The following GK variants were observed in gnomAD, a reference collection of about 807,000 sequenced individuals.
GK encodes ATP:glycerol 3-phosphotransferase.
Under a neutral mutation model 56.4 loss-of-function variants are expected in GK, and 9 were observed. That is an observed-to-expected ratio of 0.16 (90% CI 0.10 to 0.28). The LOEUF (loss-of-function observed/expected upper bound fraction) is 0.28, where lower values mean the gene tolerates loss of function less well. Among genes scored for constraint, GK ranks in the 10% least tolerant of loss-of-function variants. The probability of loss-of-function intolerance (pLI) is 1.00; values close to 1 mark genes in which losing one functional copy is unlikely to be tolerated. For missense variants in GK, 161 were observed against 431.4 expected (o/e 0.37, Z 5.55); for synonymous variants, 104 against 144.1 (o/e 0.72, Z 1.99).
intron 3 of GK, among the ~76,000 whole-genome samples, chrX:30,668,842 G>A (rs1383683372): frequency 2.7e-5 from 3 of 111,367 alleles, no homozygotes; most frequent in Admixed American, 1.9e-4. Flanking sequence ...AGACTAGTGC[G>A]GAGGCTGCTA....
At position 30,678,841 on chromosome X, in the gene GK, C is replaced by T. The variant is rs182248174; in HGVS notation, c.337+1389C>T. On this transcript the variant is annotated intron_variant, in intron 4 of 20. Transcript: ENST00000427190. ...AGATGGGATCACAGGCGCCCACCAC[C>T]ATGCCCAGCTATTTTTTTTTTTTTT... Among the ~76,000 whole-genome samples the T allele has an allele frequency of 9.9e-5, 10 of 101,411 alleles. No homozygotes were observed. The East Asian group carries it at 2.7e-3, about 28-fold the overall frequency. The allele number at this position is 101,411 out of a possible 115,157, so 88.1% of individuals were successfully genotyped here. A position where few individuals can be genotyped will look rare whatever the true frequency, so the allele number is the denominator to read the frequency against.
At chrX:30,654,514 G>A (rs1015255259) in intron 1 of GK, among the ~76,000 whole-genome samples, 1 of 111,421 alleles carries the variant, frequency 9.0e-6, no homozygotes, top group African/African-American at 3.3e-5. Context: ...AGGCTGAGGC[G>A]GGTGGATTAC....
At chrX:30,687,956 C>T (rs973168447) in intron 4 of GK, among the ~76,000 whole-genome samples, 3 of 112,032 alleles carry the variant, frequency 2.7e-5, no homozygotes, top group Non-Finnish European at 5.6e-5. Flanking sequence ...ATTCTAACTG[C>T]CTTAATGTCT....
At chrX:30,656,306 C>T (rs971740809) in intron 1 of GK, among the ~76,000 whole-genome samples, 95 of 112,319 alleles carry the variant, frequency 8.5e-4, no homozygotes, top group African/African-American at 3.1e-3. Flanking sequence ...TGGATAAGAA[C>T]TGTCATAAGG....
At chrX:30,699,154 A>C (rs1289485903) in intron 9 of GK, among the ~76,000 whole-genome samples, 1 of 102,839 alleles carries the variant, frequency 9.7e-6, no homozygotes, top group African/African-American at 3.5e-5. Flanking sequence ...ATCCTAGTAC[A>C]TCACCCCTAC....
In GK at chrX:30,653,436, G is replaced by T. The variant is rs1931982563; in HGVS notation, c.-102G>T. 2.8e-6 allele frequency: 2 copies of T among 716,071 alleles called. No homozygotes were observed. The highest frequency in any genetic ancestry group is 4.1e-5 in the African/African-American group (2 of 48,378). 59.0% of individuals were successfully genotyped at this position (716,071 alleles called of 1,213,427 possible). On this transcript the variant is annotated 5_prime_UTR_variant, in exon 1 of 21. Coordinates refer to ENST00000427190, the MANE Select transcript of GK (RefSeq NM_001205019.2). Reference sequence around the variant, plus strand: ...AGCGCGGTCCGAGCGTTCAGCGGACGCGCGCGGCCTCGATCTCTGGACTCG... The same window carrying T: ...AGCGCGGTCCGAGCGTTCAGCGGACTCGCGCGGCCTCGATCTCTGGACTCG...
At chrX:30,713,849 T>C (rs1309498323) in intron 13 of GK, among the ~76,000 whole-genome samples, 1 of 112,001 alleles carries the variant, frequency 8.9e-6, no homozygotes, top group Non-Finnish European at 1.9e-5. Flanking sequence ...ACTTTTAATA[T>C]GAGTATGAAC....
chrX:30,721,091 C>A, intron 18 of GK, 96 bp downstream of exon 18: 1 of 844,214 alleles, frequency 1.2e-6, no homozygotes, highest in Non-Finnish European at 1.7e-6. Flanking sequence ...GTTAAGGAAC[C>A]AAGTAAAATA....
intron 18 of GK, chrX:30,723,611 TTTTGTTTGTTTG>T (rs201175614): frequency 6.5e-6 from 1 of 153,467 alleles, no homozygotes; most frequent in Non-Finnish European, 1.3e-5. Flanking sequence ...CCTATCCTGT[TTTTGTTTGTTTG>T]TTTGTTTGTT....
At position 30,731,227 on chromosome X, in the gene GK, A is replaced by G. The variant is rs1937325501; in HGVS notation, c.*2485A>G. ...AAGAAAGAAAGTTTTTGGAGAAACC[A>G]ACAAATGAAAGCTGTGATAGCACAG... On this transcript the variant is annotated 3_prime_UTR_variant, in exon 21 of 21. Coordinates refer to ENST00000427190, the MANE Select transcript of GK (RefSeq NM_001205019.2). 8.9e-6 allele frequency: 1 copy of G among 112,597 alleles called. No homozygotes were observed. Among genetic ancestry groups the G allele is most frequent in the Admixed American group, 9.4e-5 (1 of 10,583 alleles). 9.3% of individuals were successfully genotyped at this position (112,597 alleles called of 1,213,427 possible).
At chrX:30,698,756 C>T (rs375527469) in intron 9 of GK, among the ~76,000 whole-genome samples, 1 of 102,518 alleles carries the variant, frequency 9.8e-6, no homozygotes, top group Non-Finnish European at 2.0e-5. Context: ...TTCCCAGCTA[C>T]TCGGGAGGCT....
chrX:30,668,962 A>G (rs1278781481), intron 3 of GK, among the ~76,000 whole-genome samples: 1 of 110,600 alleles, frequency 9.0e-6, no homozygotes, highest in African/African-American at 3.3e-5. Context: ...CAGAGAGAGT[A>G]GTGGGGTTGA....
chrX:30,678,146 T>C, intron 4 of GK: 1 of 445,966 alleles, frequency 2.2e-6, no homozygotes, highest in Non-Finnish European at 4.0e-6. Flanking sequence ...TGTTTGTCTT[T>C]CCATCTAGGA....
At chrX:30,723,777 C>G (rs912221931) in intron 18 of GK, 1 of 264,663 alleles carries the variant, frequency 3.8e-6, no homozygotes, top group African/African-American at 2.8e-5. Context: ...CAGGGTTTTA[C>G]CACATTGCTC....
chrX:30,659,156 C>T (rs1330436082), intron 1 of GK, among the ~76,000 whole-genome samples: 1 of 111,215 alleles, frequency 9.0e-6, no homozygotes, highest in African/African-American at 3.3e-5. Flanking sequence ...CTAGCCTCCC[C>T]GAGTAGCTGG....
chrX:30,721,725 C>T (rs1936920009), intron 18 of GK: 1 of 111,914 alleles, frequency 8.9e-6, no homozygotes, highest in African/African-American at 3.3e-5. Context: ...AAGAGACACT[C>T]TGGTAACTTT....
rs185942021 is a variant in GK, at chrX:30,727,749, T to A, written c.1669+197T>A. On this transcript the variant is annotated intron_variant, in intron 20 of 20. Coordinates refer to ENST00000427190, the MANE Select transcript of GK (RefSeq NM_001205019.2). The stretch of plus-strand genomic sequence containing the variant: ...GAACTGTGACTCTGCTTACCCTTTT[T>A]AAATTTTTAATGTGATGACTTCTTT... Among the ~76,000 whole-genome samples, 924 of 111,319 alleles carry A rather than the reference T, an allele frequency of 8.3e-3. 7 individuals carry two copies. The highest frequency in any genetic ancestry group is 0.028 in the African/African-American group (867 of 30,671).
intron 5 of GK, among the ~76,000 whole-genome samples, chrX:30,691,721 T>G (rs1383664949): frequency 9.1e-6 from 1 of 110,101 alleles, no homozygotes; most frequent in Non-Finnish European, 1.9e-5. Context: ...ATCCGCCCAC[T>G]TCGGCCTCCC....
intron 13 of GK, among the ~76,000 whole-genome samples, chrX:30,715,522 A>G (rs1277807604): frequency 8.9e-6 from 1 of 112,246 alleles, no homozygotes; most frequent in African/African-American, 3.2e-5. Flanking sequence ...GGGCTGATTC[A>G]AATTTGTAGA....
Sources: allele counts gnomAD v4.1 joint callset (sites outside exome capture counted in the v4.1 genomes callset), GRCh38; gene constraint gnomAD v4.1.1; transcripts MANE v1.5; gene names NCBI Gene and HGNC (gene_info 2026-07-23, HGNC 2026-07-21).